PEAK1: variants seen among roughly 807,000 people sequenced by gnomAD.
PEAK1 encodes pseudopodium enriched atypical kinase 1, also known as inactive tyrosine-protein kinase PEAK1.
PEAK1 carries 54 observed loss-of-function variants against 124.7 expected under a neutral mutation model. The ratio of observed to expected loss-of-function variants is 0.43; its 90% CI spans 0.35 to 0.54. PEAK1 has a LOEUF of 0.54. Among genes scored for constraint, PEAK1 ranks in the 20% least tolerant of loss-of-function variants. PEAK1 has a pLI of 0.01. For synonymous variants in PEAK1, 719 were observed against 760.0 expected, an observed-to-expected ratio of 0.95 and a Z score of 0.89; for missense variants, 2,046 against 2,134.5, an observed-to-expected ratio of 0.96 and a Z score of 0.82.
intron 5 of PEAK1, among the ~76,000 whole-genome samples, chr15:77,279,929 G>A (rs1043439005): frequency 2.0e-5 from 3 of 152,184 alleles, no homozygotes; most frequent in African/African-American, 7.2e-5. Context: ...TGTAGGGAGA[G>A]ATTTTGACCA....
chr15:77,407,908 T>TATAC (rs202103741), intron 1 of PEAK1, among the ~76,000 whole-genome samples: 3 of 122,792 alleles, frequency 2.4e-5, no homozygotes, highest in Non-Finnish European at 3.8e-5. Flanking sequence ...TATACACATA[T>TATAC]ATATACACAT....
At chr15:77,358,232 C>A (rs1293090133) in intron 2 of PEAK1, among the ~76,000 whole-genome samples, 1 of 152,124 alleles carries the variant, frequency 6.6e-6, no homozygotes, top group Non-Finnish European at 1.5e-5. Context: ...TGTATATATG[C>A]ATGTTCAAGC....
At chr15:77,125,434 C>T (rs1171491843) in intron 9 of PEAK1, among the ~76,000 whole-genome samples, 1 of 152,066 alleles carries the variant, frequency 6.6e-6, no homozygotes. Flanking sequence ...GAATAACCAA[C>T]TTTTACTAAA....
chr15:77,193,723 G>A lies in PEAK1; in HGVS notation c.-114-11683C>T, dbSNP rs1038800257. Among the ~76,000 whole-genome samples the A allele has an allele frequency of 5.9e-5, 9 of 152,212 alleles. No individual in the cohort carries two copies. In the South Asian group the frequency reaches 1.7e-3, roughly 28 times the overall value. On this transcript the variant is annotated intron_variant, in intron 6 of 9. Coordinates refer to ENST00000682557, the MANE Select transcript of PEAK1 (RefSeq NM_001385026.1). Reference sequence around the variant, plus strand: ...GGAAGCTGAGGTGGGAGAATTGCTCGAACCTGGAAGGCAGAGGTTGCACTG... The same window carrying A: ...GGAAGCTGAGGTGGGAGAATTGCTCAAACCTGGAAGGCAGAGGTTGCACTG...
At chr15:77,419,303 G>A (rs2073160071) in intron 1 of PEAK1, 2 of 985,386 alleles carry the variant, frequency 2.0e-6, no homozygotes, top group African/African-American at 1.7e-5. Context: ...CATGCGACGA[G>A]AGGGGAGGGG....
At chr15:77,307,502 G>GCCTT (rs994324519) in intron 2 of PEAK1, among the ~76,000 whole-genome samples, 16 of 152,126 alleles carry the variant, frequency 1.1e-4, no homozygotes, top group African/African-American at 3.9e-4. Flanking sequence ...CATCACAAAA[G>GCCTT]CCTTCCCTTA....
chr15:77,381,420 T>C, intron 1 of PEAK1: 1 of 914,632 alleles, frequency 1.1e-6, no homozygotes, highest in Non-Finnish European at 1.3e-6. Flanking sequence ...AGTGAGACCC[T>C]GTCTCTTAAA....
exon 7 of PEAK1, chr15:77,102,087 A>G (rs2050699483): frequency 6.6e-6 from 1 of 152,222 alleles, no homozygotes; most frequent in Admixed American, 6.5e-5. Flanking sequence ...TAGTGGGTCA[A>G]TTTTACCTTC....
intron 8 of PEAK1, among the ~76,000 whole-genome samples, chr15:77,134,103 G>A (rs1266755469): frequency 2.6e-5 from 4 of 152,264 alleles, no homozygotes; most frequent in South Asian, 2.1e-4. Flanking sequence ...ACAGACACTC[G>A]AATATACTTG....
At chr15:77,280,817 T>C (rs1320144479) in intron 5 of PEAK1, among the ~76,000 whole-genome samples, 1 of 152,168 alleles carries the variant, frequency 6.6e-6, no homozygotes, top group Non-Finnish European at 1.5e-5. Flanking sequence ...TAGATAGCAC[T>C]CTCATCTTTG....
intron 1 of PEAK1, among the ~76,000 whole-genome samples, chr15:77,397,125 T>C (rs1350723971): frequency 2.0e-5 from 3 of 152,118 alleles, no homozygotes; most frequent in Non-Finnish European, 4.4e-5. Flanking sequence ...CTGACCACAA[T>C]GGGATAAAAC....
In PEAK1 at chr15:77,114,462, G is replaced by A. The variant is rs201122717; in HGVS notation, c.4935C>T (p.Leu1645=). ...TCCGCTCAGAAGGGTTGGGATTCAGGAGGCAGCTGGCCAGCTGCTGCAGAC... is the reference window on the plus strand; with the variant it reads ...TCCGCTCAGAAGGGTTGGGATTCAGAAGGCAGCTGGCCAGCTGCTGCAGAC... ...SRGLQQLASC[L]LNPNPSERIL... Residue 1645 remains leucine (L), a synonymous_variant, in exon 10 of 10, where the codon CTC becomes CTT. Coordinates refer to ENST00000682557, the MANE Select transcript of PEAK1 (RefSeq NM_001385026.1). 2.4e-4 allele frequency: 390 copies of A among 1,614,090 alleles called. No individual in the cohort carries two copies. The highest frequency in any genetic ancestry group is 3.1e-4 in the Non-Finnish European group (367 of 1,179,998).
At chr15:77,387,371 C>T (rs2070042143) in intron 1 of PEAK1, among the ~76,000 whole-genome samples, 1 of 152,092 alleles carries the variant, frequency 6.6e-6, no homozygotes, top group African/African-American at 2.4e-5. Flanking sequence ...GTAAGAATTC[C>T]CTCATACTAG....
intron 2 of PEAK1, among the ~76,000 whole-genome samples, chr15:77,321,779 T>C (rs1223375430): frequency 1.3e-5 from 2 of 152,238 alleles, no homozygotes; most frequent in African/African-American, 4.8e-5. Context: ...CTAGGGTTTT[T>C]ATGGTTTCAG....
intron 1 of PEAK1, among the ~76,000 whole-genome samples, chr15:77,415,384 T>C (rs1322471232): frequency 6.6e-6 from 1 of 152,210 alleles, no homozygotes; most frequent in Non-Finnish European, 1.5e-5. Flanking sequence ...TTTTTTTCCA[T>C]TCCTTTCACA....
intron 8 of PEAK1, among the ~76,000 whole-genome samples, chr15:77,140,295 G>T (rs1456480946): frequency 1.1e-5 from 1 of 89,196 alleles, no homozygotes; most frequent in Admixed American, 1.1e-4. Flanking sequence ...GACATAAAAA[G>T]AAAACTAGAG....
At position 77,133,470 on chromosome 15, in the gene PEAK1, G is replaced by T. The variant is rs1159613583; in HGVS notation, c.3612C>A (p.Ser1204Arg). ...CAATGTCCAGTCCTTTGAGTTCATA[G>T]CTGATGGAAGAACCAGCACTGCTGG... ...WDASSAGSSI[S>R]YELKGLDIES... is the part of the protein sequence containing the mutation. Residue 1204 changes from serine to arginine, a missense_variant, in exon 9 of 10, where the codon AGC (serine) becomes AGA (arginine). Coordinates refer to ENST00000682557, the MANE Select transcript of PEAK1 (RefSeq NM_001385026.1). The surrounding 1 kb of genome is among the most constrained non-coding windows in gnomAD (Gnocchi z 4.2). 1 of 1,614,218 alleles carries T rather than the reference G, an allele frequency of 6.2e-7. No homozygotes were observed. The highest frequency in any genetic ancestry group is 8.5e-7 in the Non-Finnish European group (1 of 1,180,042).
intron 6 of PEAK1, among the ~76,000 whole-genome samples, chr15:77,219,838 T>A (rs1567130163): frequency 2.0e-5 from 3 of 152,148 alleles, no homozygotes; most frequent in Non-Finnish European, 1.5e-5. Flanking sequence ...TTTAACTAAT[T>A]GAGACTCTAA....
In PEAK1 at chr15:77,180,061, A is replaced by C; in HGVS notation, c.1866T>G (p.Asn622Lys). 1 of 1,614,048 alleles carries C rather than the reference A, an allele frequency of 6.2e-7. No homozygotes were observed. Among genetic ancestry groups the C allele is most frequent in the Non-Finnish European group, 8.5e-7 (1 of 1,179,936 alleles). ...TGATAACAATGGGAACTTTGATAGC[A>C]TTTTTGGAACTCCGAGCATAAGTTG... ...DEPTYARSSK[N>K]AIKVPIVINP... The change falls in exon 7 of 10, where the codon AAT becomes AAG. Residue 622 changes from asparagine to lysine, a missense_variant. Asn to Lys is a moderately conservative substitution (Grantham distance 94, BLOSUM62 0). Transcript: ENST00000682557.
Sources: gnomAD v4.1 joint callset for allele counts (sites outside exome capture counted in the v4.1 genomes callset) on GRCh38, gnomAD v4.1.1 for gene constraint, Gnocchi (gnomAD v3.1) non-coding constraint, MANE v1.5 for transcripts, NCBI Gene and HGNC (gene_info 2026-07-23, HGNC 2026-07-21) for gene names.